Variants in HIPK2 observed in about 807,000 individuals in gnomAD.
HIPK2 encodes homeodomain interacting protein kinase 2, also known as homeodomain-interacting protein kinase 2.
In HIPK2, 27 loss-of-function variants were observed where a neutral mutation model predicts 113.7. The ratio of observed to expected loss-of-function variants is 0.24; its 90% CI spans 0.17 to 0.33. HIPK2 has a LOEUF of 0.33. Ranked by LOEUF, HIPK2 falls within the 10% of genes least tolerant of loss-of-function variation. The probability of loss-of-function intolerance (pLI) is 1.00; values close to 1 mark genes in which losing one functional copy is unlikely to be tolerated. For missense variants in HIPK2, 1,257 were observed against 1,588.0 expected (o/e 0.79, Z 3.54); for synonymous variants, 631 against 642.2 (o/e 0.98, Z 0.26).
Position 139,626,684 on chromosome 7 carries a change from A to G in HIPK2, c.1536T>C (p.Ala512=). The G allele has an allele frequency of 6.2e-7, 1 of 1,613,974 alleles. No individual in the cohort carries two copies. The highest frequency in any genetic ancestry group is 8.5e-7 in the Non-Finnish European group (1 of 1,179,892). ...TTTCGATTGGAGTGATTCTCTTGTC[A>G]GCATCAATGGTCAGCATCTTCTTCA... ...DLLKKMLTID[A]DKRITPIETL... is the part of the protein sequence containing the mutation. Residue 512 remains alanine, a synonymous_variant, in exon 6 of 15, where the codon GCT becomes GCC. Transcript: ENST00000406875.
At chr7:139,698,305 G>A (rs1024446918) in intron 2 of HIPK2, among the ~76,000 whole-genome samples, 2 of 152,124 alleles carry the variant, frequency 1.3e-5, no homozygotes, top group Non-Finnish European at 2.9e-5. Context: ...TTTTCGTGGC[G>A]AAATAATATT....
At chr7:139,593,952 G>A (rs919145246) in intron 12 of HIPK2, among the ~76,000 whole-genome samples, 2 of 152,110 alleles carry the variant, frequency 1.3e-5, no homozygotes, top group African/African-American at 2.4e-5. Context: ...TTCCCCTTGA[G>A]CCCCTCAGTA....
chr7:139,703,089 A>G lies in HIPK2; in HGVS notation c.1103+12843T>C, dbSNP rs1406583976. On this transcript the variant is annotated intron_variant, in intron 2 of 14. Transcript: ENST00000406875. ...TTACCCAAACACAGCACAACAAAAC[A>G]AAAACAGGAAGAAAAATTAGGCATG... is the stretch of plus-strand genomic sequence containing the variant. 2.0e-5 allele frequency among the ~76,000 whole-genome samples: 3 copies of G among 152,328 alleles called. No homozygotes were observed. In the East Asian group the frequency reaches 5.8e-4, roughly 29 times the overall value.
chr7:139,723,562 C>A (rs907187158), intron 1 of HIPK2, among the ~76,000 whole-genome samples: 6 of 152,170 alleles, frequency 3.9e-5, no homozygotes, highest in Non-Finnish European at 5.9e-5. Context: ...TTTCCCCCCA[C>A]TATTTACTTA....
chr7:139,655,140 TTGA>T (rs1219863843), intron 2 of HIPK2, among the ~76,000 whole-genome samples: 1 of 152,194 alleles, frequency 6.6e-6, no homozygotes, highest in African/African-American at 2.4e-5. Context: ...GAGCTGAGTA[TTGA>T]TGAGCCAGTT....
At chr7:139,771,256 G>A (rs1796643887) in intron 1 of HIPK2, among the ~76,000 whole-genome samples, 1 of 152,074 alleles carries the variant, frequency 6.6e-6, no homozygotes, top group Non-Finnish European at 1.5e-5. Flanking sequence ...CTGTGTGCTT[G>A]CTCTTCTTTC....
At chr7:139,637,901 C>A (rs1301993055) in intron 2 of HIPK2, among the ~76,000 whole-genome samples, 1 of 152,040 alleles carries the variant, frequency 6.6e-6, no homozygotes, top group Admixed American at 6.5e-5. Context: ...ACGAGCAACC[C>A]GGCTCACACT....
intron 2 of HIPK2, among the ~76,000 whole-genome samples, chr7:139,690,581 T>C (rs1190878723): frequency 6.6e-6 from 1 of 151,926 alleles, no homozygotes; most frequent in African/African-American, 2.4e-5. Flanking sequence ...GGGGCCAAGG[T>C]GGGAGGATCG....
chr7:139,651,659 T>C (rs1327897549), intron 2 of HIPK2, among the ~76,000 whole-genome samples: 1 of 152,200 alleles, frequency 6.6e-6, no homozygotes, highest in Non-Finnish European at 1.5e-5. Context: ...ATCACTGCTT[T>C]TAGCTCTATA....
At chr7:139,640,950 G>T (rs1246223490) in intron 2 of HIPK2, among the ~76,000 whole-genome samples, 1 of 152,080 alleles carries the variant, frequency 6.6e-6, no homozygotes, top group Admixed American at 6.6e-5. Flanking sequence ...TTTCTGATAT[G>T]GAACACTCTG....
chr7:139,661,129 AAAC>A (rs1797752347), intron 2 of HIPK2, among the ~76,000 whole-genome samples: 1 of 152,206 alleles, frequency 6.6e-6, no homozygotes, highest in South Asian at 2.1e-4. Context: ...CATTTCAAGC[AAAC>A]AACATTTTAA....
chr7:139,722,546 A>C (rs1421066551), intron 1 of HIPK2, among the ~76,000 whole-genome samples: 1 of 152,196 alleles, frequency 6.6e-6, no homozygotes, highest in African/African-American at 2.4e-5. Context: ...ATGTCTATAA[A>C]ATGCTAGACT....
chr7:139,663,036 T>C (rs182249513), intron 2 of HIPK2, among the ~76,000 whole-genome samples: 387 of 152,298 alleles, frequency 2.5e-3, no homozygotes, highest in Non-Finnish European at 3.7e-3. Context: ...CTGGCCACCA[T>C]GGCCTCTGAC....
chr7:139,612,437 T>G (rs1255204682), intron 9 of HIPK2, among the ~76,000 whole-genome samples: 2 of 152,194 alleles, frequency 1.3e-5, no homozygotes, highest in Non-Finnish European at 2.9e-5. Context: ...ACTGGGTGTG[T>G]GTCCTGGTTC....
At chr7:139,575,536 C>T (rs923454717) in intron 13 of HIPK2, among the ~76,000 whole-genome samples, 4 of 152,292 alleles carry the variant, frequency 2.6e-5, no homozygotes, top group East Asian at 1.9e-4. Context: ...CAAGGGAAAG[C>T]GGAAAAGAAT....
At chr7:139,740,294 C>T (rs562282739) in intron 1 of HIPK2, among the ~76,000 whole-genome samples, 2 of 152,334 alleles carry the variant, frequency 1.3e-5, no homozygotes, top group East Asian at 3.9e-4. Context: ...GAAGCTGTGA[C>T]TCGCTCAGTG....
intron 2 of HIPK2, among the ~76,000 whole-genome samples, chr7:139,677,684 T>C (rs1802550416): frequency 6.6e-6 from 1 of 152,182 alleles, no homozygotes; most frequent in Non-Finnish European, 1.5e-5. Flanking sequence ...CATCAACCAG[T>C]TATCTACATT....
chr7:139,744,241 A>G (rs1187094025), intron 1 of HIPK2, among the ~76,000 whole-genome samples: 1 of 152,248 alleles, frequency 6.6e-6, no homozygotes, highest in African/African-American at 2.4e-5. Flanking sequence ...GGCAATACAA[A>G]GCAATGAAGA....
At chr7:139,720,967 GC>G (rs1795391323) in intron 1 of HIPK2, among the ~76,000 whole-genome samples, 1 of 152,166 alleles carries the variant, frequency 6.6e-6, no homozygotes, top group Admixed American at 6.5e-5. Context: ...TGGGATGACA[GC>G]CAAGGGTCAT....
Sources: gnomAD v4.1 joint callset for allele counts (sites outside exome capture counted in the v4.1 genomes callset) on GRCh38, gnomAD v4.1.1 for gene constraint, MANE v1.5 for transcripts, NCBI Gene and HGNC (gene_info 2026-07-23, HGNC 2026-07-21) for gene names.